Variants in NUP35 observed in about 807,000 individuals in gnomAD.
NUP35 encodes the protein nucleoporin 35, also known as nucleoporin NUP35.
Under a neutral mutation model 41.5 loss-of-function variants are expected in NUP35, and 25 were observed. That is an observed-to-expected ratio of 0.60 (90% CI 0.44 to 0.84). The LOEUF is 0.84. Among genes scored for constraint, NUP35 ranks in the 40% least tolerant of loss-of-function variants. The pLI is 0.00. For missense variants in NUP35, 396 were observed against 396.6 expected, an observed-to-expected ratio of 1.00 and a Z score of 0.01; for synonymous variants, 149 against 130.7, an observed-to-expected ratio of 1.14 and a Z score of -0.96.
chr2:183,141,270 G>A (rs61212352), intron 4 of NUP35, among the ~76,000 whole-genome samples: 10,975 of 152,048 alleles, frequency 0.072, 1,315 homozygotes, highest in African/African-American at 0.25. Context: ...GATACTTGTG[G>A]TTACATATAG....
chr2:183,146,334 C>T (rs1436499248), intron 4 of NUP35, among the ~76,000 whole-genome samples: 1 of 152,152 alleles, frequency 6.6e-6, no homozygotes, highest in East Asian at 1.9e-4. Context: ...TAGAACTAAT[C>T]TAATTTAACC....
chr2:183,154,785 C>T (rs1685591023), intron 5 of NUP35, among the ~76,000 whole-genome samples: 1 of 152,144 alleles, frequency 6.6e-6, no homozygotes, highest in Non-Finnish European at 1.5e-5. Context: ...TTCAGCAATG[C>T]CCCACTCTAC....
Position 183,158,379 on chromosome 2 carries a change from A to G in NUP35, c.706A>G (p.Ile236Val), listed in dbSNP as rs770715723. ...AGATGGGAGGATTTTTGGAGAATCC[A>G]TCATGATTGGTGTAAAACCATGTAT... is the stretch of plus-strand genomic sequence containing the variant. The part of the protein sequence containing the change: ...SKDGRIFGES[I>V]MIGVKPCIDK... Residue 236 changes from isoleucine (I) to valine (V), a missense_variant, in exon 7 of 9, where the codon ATC (isoleucine) becomes GTC (valine). Coordinates refer to ENST00000295119, the MANE Select transcript of NUP35 (RefSeq NM_138285.5). 14 of 1,608,726 alleles carry G rather than the reference A, an allele frequency of 8.7e-6. No individual in the cohort carries two copies. Among genetic ancestry groups the G allele is most frequent in the East Asian group, 2.2e-5 (1 of 44,714 alleles).
intron 4 of NUP35, among the ~76,000 whole-genome samples, chr2:183,137,302 A>G (rs1684908175): frequency 6.6e-6 from 1 of 152,108 alleles, no homozygotes; most frequent in Non-Finnish European, 1.5e-5. Flanking sequence ...TTATTCAGTT[A>G]TTTGAGTCAT....
intron 4 of NUP35, among the ~76,000 whole-genome samples, chr2:183,146,026 A>G (rs776756264): frequency 7.2e-5 from 11 of 152,224 alleles, no homozygotes; most frequent in Non-Finnish European, 1.3e-4. Flanking sequence ...ACCTGAGGTC[A>G]GGAGTTCGAG....
intron 4 of NUP35, among the ~76,000 whole-genome samples, chr2:183,144,289 C>T (rs79667471): frequency 2.6e-5 from 4 of 152,162 alleles, no homozygotes; most frequent in Non-Finnish European, 5.9e-5. Context: ...TCTATGTCCA[C>T]AGTTTTTATT....
At chr2:183,133,704 A>G (rs1684779604) in intron 4 of NUP35, 81 bp downstream of exon 4, 2 of 879,408 alleles carry the variant, frequency 2.3e-6, no homozygotes, top group Admixed American at 7.3e-5. Flanking sequence ...CAGTGGTGTG[A>G]TCACGGAGTA....
chr2:183,148,269 T>G (rs913426570), intron 4 of NUP35, among the ~76,000 whole-genome samples: 1 of 152,246 alleles, frequency 6.6e-6, no homozygotes. Context: ...GATAAACTTA[T>G]GAGTCCAGCT....
intron 8 of NUP35, 44 bp downstream of exon 8, chr2:183,159,696 A>T (rs1179475835): frequency 6.9e-7 from 1 of 1,448,430 alleles, no homozygotes; most frequent in Non-Finnish European, 9.6e-7. Flanking sequence ...TTAATGGCTG[A>T]GTGCATAGCA....
At chr2:183,130,338 A>C in intron 2 of NUP35, 80 bp from the exon 3 acceptor site, 1 of 1,373,970 alleles carries the variant, frequency 7.3e-7, no homozygotes, top group East Asian at 2.5e-5. Flanking sequence ...ATTTTAAGTC[A>C]GTATTTCAAA....
At chr2:183,134,056 A>G (rs1392342737) in intron 4 of NUP35, among the ~76,000 whole-genome samples, 1 of 152,244 alleles carries the variant, frequency 6.6e-6, no homozygotes, top group Non-Finnish European at 1.5e-5. Flanking sequence ...GTGTTTTGAG[A>G]GATGTTAATG....
chr2:183,129,055 C>A (rs1265494866), intron 2 of NUP35, among the ~76,000 whole-genome samples: 2 of 151,962 alleles, frequency 1.3e-5, no homozygotes, highest in Non-Finnish European at 2.9e-5. Context: ...TGATGAAATA[C>A]CATCATTTAG....
intron 4 of NUP35, among the ~76,000 whole-genome samples, chr2:183,141,932 A>G (rs757977335): frequency 5.7e-4 from 86 of 152,206 alleles, no homozygotes; most frequent in Non-Finnish European, 1.0e-3. Context: ...ATATTTAAGT[A>G]GCTTTCTAAA....
chr2:183,138,632 C>T (rs1684977437), intron 4 of NUP35, among the ~76,000 whole-genome samples: 1 of 152,000 alleles, frequency 6.6e-6, no homozygotes, highest in Non-Finnish European at 1.5e-5. Context: ...CTACTTTCCC[C>T]ATCCTCATCC....
chr2:183,151,676 T>A, intron 5 of NUP35, 27 bp downstream of exon 5: 3 of 1,592,376 alleles, frequency 1.9e-6, no homozygotes, highest in Non-Finnish European at 2.6e-6. Context: ...ATTTGCCTTT[T>A]AAAAACCCCA....
At chr2:183,139,866 C>T (rs1685024127) in intron 4 of NUP35, among the ~76,000 whole-genome samples, 1 of 152,178 alleles carries the variant, frequency 6.6e-6, no homozygotes, top group Admixed American at 6.5e-5. Context: ...GAATAAATTT[C>T]TGTTTTAAGC....
In NUP35 at chr2:183,130,518, A is replaced by T. The variant is rs758089552; in HGVS notation, c.312A>T (p.Gly104=). The part of the protein sequence containing the change: ...IYDDISSPGL[G]STPLTSRRQP... ...ATGACATTTCTAGCCCAGGACTTGG[A>T]TCAACACCTTTAACTTCAAGAAGAC... Residue 104 remains glycine (G), a synonymous_variant, in exon 3 of 9, where the codon GGA becomes GGT. Transcript: ENST00000295119. The T allele has an allele frequency of 5.6e-6, 9 of 1,613,112 alleles. No homozygotes were observed. The highest frequency in any genetic ancestry group is 6.8e-6 in the Non-Finnish European group (8 of 1,179,810).
chr2:183,139,037 C>T (rs1684991768), intron 4 of NUP35, among the ~76,000 whole-genome samples: 1 of 152,102 alleles, frequency 6.6e-6, no homozygotes. Context: ...AGAGATTTTT[C>T]CTGTGTCTTC....
At chr2:183,124,552 G>A in intron 1 of NUP35, 55 bp downstream of exon 1, 1 of 1,609,326 alleles carries the variant, frequency 6.2e-7, no homozygotes. Flanking sequence ...TCTGGGCCTG[G>A]AGGCGGGCAA....
Sources: gnomAD v4.1 joint callset for allele counts (sites outside exome capture counted in the v4.1 genomes callset) on GRCh38, gnomAD v4.1.1 for gene constraint, MANE v1.5 for transcripts, NCBI Gene and HGNC (gene_info 2026-07-23, HGNC 2026-07-21) for gene names.